DSCAM: variants seen among roughly 807,000 people sequenced by gnomAD.
DSCAM encodes the protein DS cell adhesion molecule.
A neutral mutation model predicts 217.7 loss-of-function variants in DSCAM; 47 were observed. The observed-to-expected ratio is 0.22, with a 90% confidence interval of 0.17 to 0.28. The LOEUF (loss-of-function observed/expected upper bound fraction) is 0.28. Among genes scored for constraint, DSCAM ranks in the 10% least tolerant of loss-of-function variants. The pLI, the probability that DSCAM is intolerant of heterozygous loss-of-function variation, is 1.00. For missense variants in DSCAM, 2,080 were observed against 2,618.3 expected, an observed-to-expected ratio of 0.79 and a Z score of 4.49; for synonymous variants, 1,056 against 1,015.3, an observed-to-expected ratio of 1.04 and a Z score of -0.76.
intron 3 of DSCAM, among the ~76,000 whole-genome samples, chr21:40,661,812 T>A (rs963518951): frequency 6.6e-6 from 1 of 152,152 alleles, no homozygotes; most frequent in Admixed American, 6.5e-5. Flanking sequence ...AAAGGCAATA[T>A]GAGAATAGAG....
intron 3 of DSCAM, among the ~76,000 whole-genome samples, chr21:40,455,178 T>C (rs1052524781): frequency 6.6e-5 from 10 of 152,098 alleles, no homozygotes; most frequent in Admixed American, 1.3e-4. Flanking sequence ...AAGACCAGGT[T>C]CAGAGAAGCA....
At chr21:40,172,182 C>A (rs1262566620) in intron 15 of DSCAM, among the ~76,000 whole-genome samples, 2 of 152,130 alleles carry the variant, frequency 1.3e-5, no homozygotes, top group South Asian at 2.1e-4. Context: ...GGCAGGATAA[C>A]CGCTTGAACC....
At chr21:40,031,564 G>A (rs1214201976) in intron 32 of DSCAM, among the ~76,000 whole-genome samples, 1 of 152,114 alleles carries the variant, frequency 6.6e-6, no homozygotes, top group Admixed American at 6.5e-5. Flanking sequence ...CATGAGACAG[G>A]CAAATCTTGA....
At chr21:40,403,297 A>C in intron 3 of DSCAM, among the ~76,000 whole-genome samples, 1 of 151,956 alleles carries the variant, frequency 6.6e-6, no homozygotes, top group East Asian at 1.9e-4. Context: ...GTGATTAGTA[A>C]ATCTTTTTTT....
chr21:40,015,647 G>T (rs932252454), intron 32 of DSCAM, among the ~76,000 whole-genome samples: 2 of 152,098 alleles, frequency 1.3e-5, no homozygotes, highest in Non-Finnish European at 2.9e-5. Context: ...TGGTTTCCCA[G>T]GCTGGTCTCA....
chr21:40,339,605 T>C (rs1032537242), intron 6 of DSCAM, among the ~76,000 whole-genome samples, 190 bp from the exon 7 acceptor site: 1 of 152,186 alleles, frequency 6.6e-6, no homozygotes, highest in African/African-American at 2.4e-5. Flanking sequence ...GTAAGCACAG[T>C]GTTAGCAAGC....
At chr21:40,508,743 A>T (rs1234519254) in intron 3 of DSCAM, among the ~76,000 whole-genome samples, 4 of 2,642 alleles carry the variant, frequency 1.5e-3, no homozygotes, top group Admixed American at 4.9e-3. Context: ...AAATATATAT[A>T]TATATATATA....
chr21:40,392,988 T>C (rs111827025), intron 3 of DSCAM, among the ~76,000 whole-genome samples: 11 of 152,312 alleles, frequency 7.2e-5, no homozygotes, highest in African/African-American at 2.4e-4. Context: ...ATGTACAGAA[T>C]TATTAGTGCA....
rs2075809099 is a variant in DSCAM, at chr21:40,461,915, C to T, written c.509-92670G>A. 2.0e-5 allele frequency among the ~76,000 whole-genome samples: 3 copies of T among 152,232 alleles called. No homozygotes were observed. In the South Asian group the frequency reaches 6.2e-4, roughly 32 times the overall value. On this transcript the variant is annotated intron_variant, in intron 3 of 32. Transcript: ENST00000400454. ...AGAGCCCCCAGAAAGGGACCTAGCT[C>T]TGCCAACACCTTAATTTTAGACCAC...
At chr21:40,617,000 G>A (rs1409202938) in intron 3 of DSCAM, among the ~76,000 whole-genome samples, 6 of 112,468 alleles carry the variant, frequency 5.3e-5, no homozygotes, top group Admixed American at 1.0e-4. Context: ...CTGGGCGACA[G>A]AGCAAGACTC....
chr21:40,720,837 C>T (rs929634438), intron 1 of DSCAM, among the ~76,000 whole-genome samples: 3 of 152,110 alleles, frequency 2.0e-5, no homozygotes, highest in African/African-American at 7.2e-5. Context: ...GGGACTAAGG[C>T]TGCTAGAATT....
chr21:40,457,190 A>T (rs546122350), intron 3 of DSCAM, among the ~76,000 whole-genome samples: 1 of 152,320 alleles, frequency 6.6e-6, no homozygotes, highest in Non-Finnish European at 1.5e-5. Flanking sequence ...CTCTGGCCAT[A>T]GTGGGAAGTT....
At chr21:40,168,767 G>A (rs2090624113) in intron 15 of DSCAM, among the ~76,000 whole-genome samples, 1 of 152,182 alleles carries the variant, frequency 6.6e-6, no homozygotes, top group Non-Finnish European at 1.5e-5. Flanking sequence ...GGAAGAGGAA[G>A]TTCTGAGTAG....
At chr21:40,756,147 C>T (rs556476218) in intron 1 of DSCAM, among the ~76,000 whole-genome samples, 2 of 152,280 alleles carry the variant, frequency 1.3e-5, no homozygotes, top group East Asian at 3.9e-4. Context: ...TAGTGCCATC[C>T]TCCTGGTACT....
intron 3 of DSCAM, among the ~76,000 whole-genome samples, chr21:40,559,902 C>G (rs1003885355): frequency 6.6e-6 from 1 of 151,142 alleles, no homozygotes; most frequent in Non-Finnish European, 1.5e-5. Context: ...ACGCCATTCT[C>G]CTGCCTCAGC....
At position 40,824,921 on chromosome 21, in the gene DSCAM, A is replaced by G. The variant is rs193035273; in HGVS notation, c.43+21698T>C. On this transcript the variant is annotated intron_variant, in intron 1 of 32. Coordinates refer to ENST00000400454, the MANE Select transcript of DSCAM (RefSeq NM_001389.5). The stretch of plus-strand genomic sequence containing the variant: ...CCTCTCTTTGAAGCCCTTTTTAAAT[A>G]GGCTAATCAGAAGTTGTTTTCTGCT... Among the ~76,000 whole-genome samples the G allele has an allele frequency of 2.8e-3, 424 of 152,318 alleles. 3 individuals are homozygous for G. Among genetic ancestry groups the G allele is most frequent in the African/African-American group, 9.5e-3 (396 of 41,560 alleles).
At chr21:40,376,223 C>G (rs1028019920) in intron 3 of DSCAM, among the ~76,000 whole-genome samples, 1 of 151,980 alleles carries the variant, frequency 6.6e-6, no homozygotes, top group Non-Finnish European at 1.5e-5. Context: ...CTGCCGTCGC[C>G]AATTGATGGC....
At chr21:40,237,176 T>C (rs1008413290) in intron 11 of DSCAM, among the ~76,000 whole-genome samples, 2 of 152,196 alleles carry the variant, frequency 1.3e-5, no homozygotes, top group Admixed American at 6.5e-5. Flanking sequence ...AACTCAAGGG[T>C]GTCAGCAGGG....
At chr21:40,596,748 A>C (rs1364025965) in intron 3 of DSCAM, among the ~76,000 whole-genome samples, 2 of 152,214 alleles carry the variant, frequency 1.3e-5, no homozygotes, top group Non-Finnish European at 2.9e-5. Context: ...AGATAATTTT[A>C]AGGGAAACAT....
Sources: allele counts gnomAD v4.1 joint callset (sites outside exome capture counted in the v4.1 genomes callset), GRCh38; gene constraint gnomAD v4.1.1; transcripts MANE v1.5; gene names NCBI Gene and HGNC (gene_info 2026-07-23, HGNC 2026-07-21).